Variants in ARMCX4 observed in about 807,000 individuals in gnomAD.
The protein encoded by ARMCX4 is armadillo repeat-containing X-linked protein 4.
A neutral mutation model predicts 34.7 loss-of-function variants in ARMCX4; 3 were observed. The observed-to-expected ratio is 0.09, with a 90% CI of 0.04 to 0.22. The LOEUF (loss-of-function observed/expected upper bound fraction) is 0.22, where lower values mean the gene tolerates loss of function less well. ARMCX4 is among the 10% of genes least tolerant of loss of function. The pLI, the probability that ARMCX4 is intolerant of heterozygous loss-of-function variation, is 1.00. For missense variants in ARMCX4, 1,448 were observed against 1,720.8 expected (o/e 0.84, Z 2.81); for synonymous variants, 513 against 632.8 (o/e 0.81, Z 2.84).
rs184820808 is a variant in ARMCX4, at chrX:101,495,251, A to T, written c.6662A>T (p.Asn2221Ile). Residue 2221 changes from asparagine to isoleucine, a missense_variant, in exon 6 of 6, where the codon AAT (asparagine) becomes ATT (isoleucine). By Grantham distance (149) the Asn-to-Ile change is moderately radical. Transcript: ENST00000423738. The part of the protein sequence containing the change: ...NIFSKKETKE[N>I]ILNALSLFEN... Reference sequence around the variant, plus strand: ...TTTAGCAAGAAAGAGACAAAGGAGAATATTCTTAATGCTCTTTCACTATTT... The same window carrying T: ...TTTAGCAAGAAAGAGACAAAGGAGATTATTCTTAATGCTCTTTCACTATTT... The T allele has an allele frequency of 8.7e-7, 1 of 1,145,609 alleles. No individual in the cohort carries two copies. Among genetic ancestry groups the T allele is most frequent in the Non-Finnish European group, 1.2e-6 (1 of 865,098 alleles). 94.4% of individuals were successfully genotyped at this position (1,145,609 alleles called of 1,213,427 possible).
At chrX:101,498,326 T>C (rs139548110), downstream of ARMCX4, 2,336 of 273,756 alleles carry the variant, frequency 8.5e-3, 50 homozygotes, top group African/African-American at 0.059. Context: ...GACTCCATCA[T>C]TGGTGGTAGG....
chrX:101,530,528 G>GA (rs1199287481), intron 11 of ARMCX4, among the ~76,000 whole-genome samples: 1 of 111,232 alleles, frequency 9.0e-6, no homozygotes, highest in Non-Finnish European at 1.9e-5. Flanking sequence ...ATAAAAAAAA[G>GA]AAAAAAATTT....
intron 4 of ARMCX4, among the ~76,000 whole-genome samples, chrX:101,460,677 T>G (rs1932569374): frequency 8.9e-6 from 1 of 112,008 alleles, no homozygotes; most frequent in Admixed American, 9.6e-5. Context: ...CTGAAAAATT[T>G]AAAACACAGT....
chrX:101,524,974 A>T (rs1188622547), intron 11 of ARMCX4, among the ~76,000 whole-genome samples: 2 of 111,966 alleles, frequency 1.8e-5, no homozygotes, highest in African/African-American at 6.5e-5. Context: ...TTAGGCTCTG[A>T]GAATGGACAG....
intron 2 of ARMCX4, among the ~76,000 whole-genome samples, chrX:101,442,427 T>C (rs188393514): frequency 1.8e-5 from 2 of 111,383 alleles, no homozygotes; most frequent in African/African-American, 6.5e-5. Context: ...AAGACCTTGG[T>C]GGATTCAGCA....
At chrX:101,432,869 T>C (rs1930213844) in intron 2 of ARMCX4, among the ~76,000 whole-genome samples, 1 of 88,721 alleles carries the variant, frequency 1.1e-5, no homozygotes, top group Non-Finnish European at 2.3e-5. Context: ...CACGTATATA[T>C]ACACATATGT....
intron 4 of ARMCX4, among the ~76,000 whole-genome samples, chrX:101,470,024 G>A (rs1049406365): frequency 4.5e-5 from 5 of 112,049 alleles, no homozygotes; most frequent in African/African-American, 9.7e-5. Context: ...GCCCTGTTCC[G>A]CAAGTGTTCT....
chrX:101,529,336 G>A (rs1356957643), intron 11 of ARMCX4, among the ~76,000 whole-genome samples: 2 of 111,600 alleles, frequency 1.8e-5, no homozygotes, highest in Non-Finnish European at 3.8e-5. Context: ...ATTAATTCAA[G>A]ATGGATTAAA....
chrX:101,490,865 A>G lies in ARMCX4; in HGVS notation c.2276A>G (p.Glu759Gly), dbSNP rs1556008678. 8.7e-7 allele frequency: 1 copy of G among 1,154,508 alleles called. No individual in the cohort carries two copies. The highest frequency in any genetic ancestry group is 1.9e-5 in the South Asian group (1 of 52,642). ...RLQAVANSQG[E>G]VLPGAKNKVK... Reference sequence around the variant, plus strand: ...CAGGCTGTGGCCAATTCTCAGGGTGAGGTCTTGCCTGGTGCCAAAAATAAG... The same window carrying G: ...CAGGCTGTGGCCAATTCTCAGGGTGGGGTCTTGCCTGGTGCCAAAAATAAG... The change falls in exon 6 of 6, where the codon GAG becomes GGG. Residue 759 changes from glutamate to glycine, a missense_variant. Physicochemically the swap from Glu to Gly is moderately conservative, Grantham distance 98 (BLOSUM62 -2). Around this residue, in one of 2 missense-constraint regions of ARMCX4, gnomAD observed 1,343 missense variants for 1,540.7 expected, o/e 0.87. Transcript: ENST00000423738.
At chrX:101,511,805 C>T (rs1159516600) in intron 11 of ARMCX4, among the ~76,000 whole-genome samples, 3 of 111,422 alleles carry the variant, frequency 2.7e-5, no homozygotes, top group Non-Finnish European at 5.7e-5. Context: ...CTCCAATCTC[C>T]TTCCTTGGGC....
rs1409772218 is a variant in ARMCX4, at chrX:101,494,661, A to C, written c.6072A>C (p.Lys2024Asn). ...ESRKQTRTGE[K>N]TRPWSCRCKH... is the part of the protein sequence containing the mutation. ...GAAAACAAACCAGGACTGGGGAAAAAACTCGGCCCTGGTCTTGCCGCTGTA... is the reference window on the plus strand; with the variant it reads ...GAAAACAAACCAGGACTGGGGAAAACACTCGGCCCTGGTCTTGCCGCTGTA... Residue 2024 changes from lysine to asparagine, a missense_variant, in exon 6 of 6, where the codon AAA becomes AAC. This residue lies in a region of ARMCX4 where 1,343 missense variants were observed against 1,540.7 expected (regional missense o/e 0.87). Transcript: ENST00000423738. The C allele has an allele frequency of 4.3e-6, 5 of 1,153,838 alleles. No homozygotes were observed. The highest frequency in any genetic ancestry group is 5.7e-6 in the Non-Finnish European group (5 of 872,652).
intron 2 of ARMCX4, among the ~76,000 whole-genome samples, chrX:101,433,559 C>T (rs1468403244): frequency 8.9e-6 from 1 of 111,863 alleles, no homozygotes; most frequent in Non-Finnish European, 1.9e-5. Context: ...GTTTCCTCAT[C>T]TGATCCATGT....
At chrX:101,511,514 C>T (rs1934580309) in intron 11 of ARMCX4, among the ~76,000 whole-genome samples, 1 of 111,125 alleles carries the variant, frequency 9.0e-6, no homozygotes, top group South Asian at 3.8e-4. Flanking sequence ...TTGTCTTGGT[C>T]TCACCAAAAC....
chrX:101,423,587 A>G (rs1225128523), intron 2 of ARMCX4, among the ~76,000 whole-genome samples: 2 of 109,806 alleles, frequency 1.8e-5, no homozygotes, highest in African/African-American at 6.6e-5. Flanking sequence ...ATTGCACTCT[A>G]GCCTGGGCAA....
intron 11 of ARMCX4, among the ~76,000 whole-genome samples, chrX:101,528,612 G>A (rs1470639757): frequency 1.8e-5 from 2 of 111,839 alleles, no homozygotes; most frequent in Non-Finnish European, 3.8e-5. Context: ...ATCTCCTTAA[G>A]CTGATAAGCA....
At chrX:101,434,195 C>T in intron 2 of ARMCX4, among the ~76,000 whole-genome samples, 1 of 110,286 alleles carries the variant, frequency 9.1e-6, no homozygotes, top group Middle Eastern at 4.7e-3. Context: ...GATCTGCCCA[C>T]CTTGGCCTCT....
intron 11 of ARMCX4, among the ~76,000 whole-genome samples, chrX:101,529,180 C>T (rs1264487598): frequency 9.0e-6 from 1 of 111,111 alleles, no homozygotes; most frequent in Non-Finnish European, 1.9e-5. Flanking sequence ...GATAATAACA[C>T]ACACATACAA....
At chrX:101,452,578 CAG>C (rs1932046811), downstream of ARMCX4, among the ~76,000 whole-genome samples, 1 of 110,347 alleles carries the variant, frequency 9.1e-6, no homozygotes, top group South Asian at 3.8e-4. Flanking sequence ...TTTTTTGAGA[CAG>C]GGTTTCACTC....
At chrX:101,523,652 C>G (rs1934901285) in intron 11 of ARMCX4, among the ~76,000 whole-genome samples, 2 of 111,706 alleles carry the variant, frequency 1.8e-5, no homozygotes, top group Admixed American at 1.9e-4. Context: ...ACCAAGCAAA[C>G]AACAACAATC....
Sources: allele counts gnomAD v4.1 joint callset (sites outside exome capture counted in the v4.1 genomes callset), GRCh38; gene constraint gnomAD v4.1.1; regional missense constraint gnomAD v4.1.1; transcripts MANE v1.5; gene names NCBI Gene and HGNC (gene_info 2026-07-23, HGNC 2026-07-21).